Variants in BMP2K observed in about 807,000 individuals in gnomAD.
BMP2K encodes BMP-2-inducible protein kinase.
In BMP2K, 74 loss-of-function variants were observed where a neutral mutation model predicts 116.0. That is an observed-to-expected ratio of 0.64 (90% CI 0.53 to 0.77). The LOEUF is 0.77. Among genes scored for constraint, BMP2K ranks in the 30% least tolerant of loss-of-function variants. BMP2K has a pLI of 0.00. For synonymous variants in BMP2K, 486 were observed against 502.5 expected, an observed-to-expected ratio of 0.97 and a Z score of 0.44; for missense variants, 1,365 against 1,403.6, an observed-to-expected ratio of 0.97 and a Z score of 0.44.
chr4:78,841,458 GTA>G (rs1197676550), intron 3 of BMP2K, among the ~76,000 whole-genome samples: 1 of 152,060 alleles, frequency 6.6e-6, no homozygotes, highest in East Asian at 1.9e-4. Context: ...GGGCTTAATG[GTA>G]TATGTGTGGC....
intron 1 of BMP2K, among the ~76,000 whole-genome samples, chr4:78,796,102 C>T (rs1235749990): frequency 9.2e-5 from 14 of 152,002 alleles, no homozygotes; most frequent in Non-Finnish European, 1.5e-4. Flanking sequence ...GTATGTTTAT[C>T]GCAGCAGCAT....
chr4:78,827,092 G>A (rs908636005), intron 2 of BMP2K, among the ~76,000 whole-genome samples: 5 of 152,186 alleles, frequency 3.3e-5, no homozygotes, highest in African/African-American at 1.2e-4. Flanking sequence ...CAATGTTTCA[G>A]TTGCCTATTC....
chr4:78,860,554 T>G (rs1386021201), intron 8 of BMP2K, among the ~76,000 whole-genome samples: 1 of 151,866 alleles, frequency 6.6e-6, no homozygotes, highest in East Asian at 1.9e-4. Context: ...AAGCTTTCAA[T>G]TTTATTCACT....
intron 1 of BMP2K, among the ~76,000 whole-genome samples, chr4:78,798,259 CTCAAG>C (rs1728395747): frequency 6.6e-6 from 1 of 152,138 alleles, no homozygotes; most frequent in East Asian, 1.9e-4. Context: ...GAAAGCCATA[CTCAAG>C]TCATAAAGGT....
chr4:78,838,060 G>A (rs1340739331), intron 3 of BMP2K, among the ~76,000 whole-genome samples: 4 of 152,230 alleles, frequency 2.6e-5, no homozygotes, highest in African/African-American at 4.8e-5. Context: ...TGGACTTACA[G>A]TTCCATGTGG....
At chr4:78,823,017 C>G (rs1290700262) in intron 1 of BMP2K, among the ~76,000 whole-genome samples, 1 of 152,052 alleles carries the variant, frequency 6.6e-6, no homozygotes, top group African/African-American at 2.4e-5. Context: ...AAAGATAGTA[C>G]TGGGGAAAAC....
intron 1 of BMP2K, among the ~76,000 whole-genome samples, chr4:78,823,525 G>GTT (rs1046896186): frequency 6.9e-6 from 1 of 145,560 alleles, no homozygotes; most frequent in Non-Finnish European, 1.5e-5. Flanking sequence ...TATATATATA[G>GTT]TTATATATAT....
intron 13 of BMP2K, among the ~76,000 whole-genome samples, chr4:78,873,534 A>T (rs1188756977): frequency 6.6e-6 from 1 of 152,204 alleles, no homozygotes; most frequent in Non-Finnish European, 1.5e-5. Flanking sequence ...TAGCTGAGAA[A>T]AGGTGTCTAT....
chr4:78,833,123 G>C (rs1417057076), intron 2 of BMP2K, among the ~76,000 whole-genome samples: 1 of 151,658 alleles, frequency 6.6e-6, no homozygotes. Context: ...CATTTTTTTA[G>C]GTTATTTAGT....
intron 3 of BMP2K, among the ~76,000 whole-genome samples, chr4:78,840,541 C>T (rs993680117): frequency 1.3e-5 from 2 of 151,992 alleles, no homozygotes; most frequent in Admixed American, 6.6e-5. Context: ...AAGTTGCAAC[C>T]GACGTTTAAA....
At chr4:78,893,551 G>A (rs1427299304) in intron 15 of BMP2K, among the ~76,000 whole-genome samples, 1 of 152,188 alleles carries the variant, frequency 6.6e-6, no homozygotes, top group Non-Finnish European at 1.5e-5. Context: ...ATAACCTTAT[G>A]AAATGTATTT....
chr4:78,886,143 G>A (rs898731537), intron 14 of BMP2K, among the ~76,000 whole-genome samples: 1 of 152,096 alleles, frequency 6.6e-6, no homozygotes, highest in Non-Finnish European at 1.5e-5. Context: ...TTATAGGTGT[G>A]AGCCCCCATC....
intron 5 of BMP2K, 77 bp from the exon 6 acceptor site, chr4:78,847,111 G>A (rs1731039610): frequency 1.2e-6 from 1 of 808,692 alleles, no homozygotes; most frequent in Non-Finnish European, 1.7e-6. Context: ...AGTGTTTTAT[G>A]TAGAAACAAT....
chr4:78,843,981 A>T (rs1016080854), intron 4 of BMP2K, among the ~76,000 whole-genome samples: 10 of 151,998 alleles, frequency 6.6e-5, no homozygotes, highest in Middle Eastern at 3.4e-3. Flanking sequence ...ACAAATTTTT[A>T]AAAAAGTATA....
chr4:78,793,577 A>C (rs918686323), intron 1 of BMP2K, among the ~76,000 whole-genome samples: 8 of 152,112 alleles, frequency 5.3e-5, no homozygotes, highest in African/African-American at 1.9e-4. Flanking sequence ...AGGAATGTAA[A>C]GGGATCCTGA....
chr4:78,853,126 A>C (rs181123457), intron 7 of BMP2K, among the ~76,000 whole-genome samples: 6 of 152,218 alleles, frequency 3.9e-5, no homozygotes, highest in Non-Finnish European at 8.8e-5. Flanking sequence ...ATATATTAAC[A>C]TAAAATAAAG....
chr4:78,900,918 C>A (rs775772283), intron 15 of BMP2K, among the ~76,000 whole-genome samples: 1 of 152,016 alleles, frequency 6.6e-6, no homozygotes, highest in African/African-American at 2.4e-5. Context: ...CCTTTTATGG[C>A]AGGTTATAAA....
At chr4:78,788,245 C>G (rs993929071) in intron 1 of BMP2K, among the ~76,000 whole-genome samples, 2 of 151,882 alleles carry the variant, frequency 1.3e-5, no homozygotes, top group African/African-American at 4.8e-5. Flanking sequence ...GCCATGTATT[C>G]TGAAATATTT....
At chr4:78,910,186 C>T (rs1734510675) in intron 15 of BMP2K, among the ~76,000 whole-genome samples, 1 of 151,276 alleles carries the variant, frequency 6.6e-6, no homozygotes, top group African/African-American at 2.4e-5. Flanking sequence ...GCTGTTCATG[C>T]TTGTTGATCT....
Sources: gnomAD v4.1 joint callset for allele counts (sites outside exome capture counted in the v4.1 genomes callset) on GRCh38, gnomAD v4.1.1 for gene constraint, MANE v1.5 for transcripts, NCBI Gene and HGNC (gene_info 2026-07-23, HGNC 2026-07-21) for gene names.